Variants in FBLN5 observed in about 807,000 individuals in gnomAD.
FBLN5 encodes fibulin 5, also known as fibulin-5.
A neutral mutation model predicts 61.6 loss-of-function variants in FBLN5; 24 were observed. That is an observed-to-expected ratio of 0.39 (90% CI 0.28 to 0.55). The LOEUF (loss-of-function observed/expected upper bound fraction) is 0.55, where lower values mean the gene tolerates loss of function less well. FBLN5 is among the 20% of genes least tolerant of loss of function. FBLN5 has a pLI of 0.65. For synonymous variants in FBLN5, 213 were observed against 219.8 expected, an observed-to-expected ratio of 0.97 and a Z score of 0.27; for missense variants, 470 against 594.1, an observed-to-expected ratio of 0.79 and a Z score of 2.17.
chr14:91,882,956 T>C lies in FBLN5; in HGVS notation c.860A>G (p.Gln287Arg), dbSNP rs1374632618. ...YILLDDNRSC[Q>R]DINECEHRNH... ...CAGGCCCCTCCGGACAGCCTTACCT[T>C]GGCAGCTTCGGTTGTCATCCAGCAG... The change falls in exon 8 of 11, where the codon CAA (glutamine) becomes CGA (arginine). Residue 287 changes from glutamine (Q) to arginine (R), a missense_variant and splice_region_variant. By Grantham distance (43) the Gln-to-Arg change is conservative (BLOSUM62 1). Coordinates refer to ENST00000342058, the MANE Select transcript of FBLN5 (RefSeq NM_006329.4). This position sits in a 1 kb window ranked among gnomAD's most constrained non-coding sequence, Gnocchi z 4.9. 1 of 1,613,862 alleles carries C rather than the reference T, an allele frequency of 6.2e-7. No homozygotes were observed. The highest frequency in any genetic ancestry group is 8.5e-7 in the Non-Finnish European group (1 of 1,179,818).
At chr14:91,942,380 G>A (rs2056119648) in intron 2 of FBLN5, among the ~76,000 whole-genome samples, 1 of 152,226 alleles carries the variant, frequency 6.6e-6, no homozygotes, top group Admixed American at 6.5e-5. Context: ...CCTCCAGGAG[G>A]GGTGTGTCTG....
chr14:91,924,628 G>C (rs1056572394), intron 4 of FBLN5, among the ~76,000 whole-genome samples: 1 of 151,832 alleles, frequency 6.6e-6, no homozygotes, highest in Non-Finnish European at 1.5e-5. Flanking sequence ...GTTGCAGTGA[G>C]CCAAGATAGC....
intron 4 of FBLN5, among the ~76,000 whole-genome samples, chr14:91,909,531 C>T (rs1890832663): frequency 6.6e-6 from 1 of 152,128 alleles, no homozygotes; most frequent in South Asian, 2.1e-4. Context: ...TCGATTACAG[C>T]TGGAGCTTTT....
At chr14:91,919,605 TAAAATG>T (rs1175878455) in intron 4 of FBLN5, among the ~76,000 whole-genome samples, 2 of 152,162 alleles carry the variant, frequency 1.3e-5, no homozygotes, top group Non-Finnish European at 2.9e-5. Flanking sequence ...GTAATTCAGT[TAAAATG>T]AGCCCGTTAT....
chr14:91,905,665 C>G (rs1311929765), intron 4 of FBLN5, among the ~76,000 whole-genome samples: 3 of 149,992 alleles, frequency 2.0e-5, no homozygotes, highest in Middle Eastern at 3.5e-3. Context: ...CTGCAACCTC[C>G]ACCTCCTGGG....
intron 10 of FBLN5, among the ~76,000 whole-genome samples, chr14:91,875,573 T>C (rs927877859): frequency 5.9e-5 from 9 of 152,168 alleles, no homozygotes; most frequent in African/African-American, 1.9e-4. Context: ...AGCAACAGCT[T>C]TGGGGGCTCT....
At chr14:91,938,063 AT>A (rs1162854860) in intron 3 of FBLN5, among the ~76,000 whole-genome samples, 1 of 152,244 alleles carries the variant, frequency 6.6e-6, no homozygotes, top group Non-Finnish European at 1.5e-5. Flanking sequence ...TCGTGTGCAC[AT>A]ACTATACTCT....
chr14:91,884,980 T>C (rs556135860), intron 7 of FBLN5, among the ~76,000 whole-genome samples: 1 of 152,278 alleles, frequency 6.6e-6, no homozygotes, highest in African/African-American at 2.4e-5. Context: ...CCCACCATGG[T>C]TTCCAGGAAC....
At chr14:91,932,750 C>G (rs926250403) in intron 4 of FBLN5, among the ~76,000 whole-genome samples, 6 of 152,206 alleles carry the variant, frequency 3.9e-5, no homozygotes, top group African/African-American at 1.4e-4. Flanking sequence ...GGCAAGAGTG[C>G]AATCAGCCAC....
chr14:91,885,691 T>A (rs751592153), intron 7 of FBLN5, among the ~76,000 whole-genome samples: 1 of 152,118 alleles, frequency 6.6e-6, no homozygotes, highest in Non-Finnish European at 1.5e-5. Context: ...AAATAGTAAA[T>A]GGCAGAGCTA....
intron 3 of FBLN5, among the ~76,000 whole-genome samples, chr14:91,937,683 C>G (rs968970177): frequency 6.6e-6 from 1 of 152,140 alleles, no homozygotes; most frequent in Non-Finnish European, 1.5e-5. Flanking sequence ...TGATGCCTTG[C>G]GTACTTCGGA....
intron 5 of FBLN5, among the ~76,000 whole-genome samples, chr14:91,894,428 C>CAAAAAA (rs1491576623): frequency 1.5e-4 from 11 of 72,600 alleles, no homozygotes; most frequent in Admixed American, 1.3e-3. Context: ...AAAAAAAAAA[C>CAAAAAA]CGAAAAAAAC....
intron 4 of FBLN5, among the ~76,000 whole-genome samples, chr14:91,915,926 T>C (rs970884628): frequency 3.9e-5 from 6 of 151,932 alleles, no homozygotes; most frequent in Non-Finnish European, 8.8e-5. Context: ...CCAAAACTAG[T>C]AAGAGTAATA....
chr14:91,894,416 A>AAC lies in FBLN5; in HGVS notation c.502+533_502+534insGT, dbSNP rs1890126326. Among the ~76,000 whole-genome samples, 3 of 143,716 alleles carry AAC rather than the reference A, an allele frequency of 2.1e-5. 1 individual carries two copies. The highest frequency in any genetic ancestry group is 4.6e-5 in the Non-Finnish European group (3 of 65,684). 94.3% of individuals were successfully genotyped at this position (143,716 alleles called of 152,430 possible). On this transcript the variant is annotated intron_variant, in intron 5 of 10. Coordinates refer to ENST00000342058, the MANE Select transcript of FBLN5 (RefSeq NM_006329.4). ...AGACACCATATCAAAAAAAAAAAAAAAAAAAAAAAAACCGAAAAAAACCAT... is the reference window on the plus strand; with the variant it reads ...AGACACCATATCAAAAAAAAAAAAAAACAAAAAAAAAAACCGAAAAAAACCAT...
At chr14:91,902,447 G>A (rs1019240750) in intron 4 of FBLN5, among the ~76,000 whole-genome samples, 2 of 152,124 alleles carry the variant, frequency 1.3e-5, no homozygotes, top group African/African-American at 4.8e-5. Context: ...TCCAAACCTG[G>A]TTACCCAAGA....
At chr14:91,899,433 C>A (rs988787514) in intron 4 of FBLN5, among the ~76,000 whole-genome samples, 3 of 152,238 alleles carry the variant, frequency 2.0e-5, no homozygotes, top group Non-Finnish European at 4.4e-5. Context: ...CTCCCAGAAC[C>A]TGGAAAAGCC....
rs530593820 is a variant in FBLN5 at position 91,900,809 on chromosome 14, C to T, written c.380-5737G>A. The stretch of plus-strand genomic sequence containing the variant: ...CTGCCTGGCACATAGCTCCCTTCCC[C>T]GGGGAGGTGCTGTTTCTGACAGCTG... On this transcript the variant is annotated intron_variant, in intron 4 of 10. Coordinates refer to ENST00000342058, the MANE Select transcript of FBLN5 (RefSeq NM_006329.4). Among the ~76,000 whole-genome samples, 9 of 152,304 alleles carry T rather than the reference C, an allele frequency of 5.9e-5. No homozygotes were observed. In the East Asian group the frequency reaches 1.2e-3, roughly 20 times the overall value.
At chr14:91,870,646 G>A (rs553072811) in intron 10 of FBLN5, among the ~76,000 whole-genome samples, 3 of 152,302 alleles carry the variant, frequency 2.0e-5, no homozygotes, top group East Asian at 1.9e-4. Context: ...GACCTCTGAC[G>A]CTGCAGCCTT....
At chr14:91,906,199 T>C (rs1197567005) in intron 4 of FBLN5, among the ~76,000 whole-genome samples, 1 of 152,200 alleles carries the variant, frequency 6.6e-6, no homozygotes, top group Non-Finnish European at 1.5e-5. Flanking sequence ...ATGAACTTTT[T>C]GGTTACAGAC....
Sources: allele counts gnomAD v4.1 joint callset (sites outside exome capture counted in the v4.1 genomes callset), GRCh38; gene constraint gnomAD v4.1.1; non-coding constraint Gnocchi (gnomAD v3.1); transcripts MANE v1.5; gene names NCBI Gene and HGNC (gene_info 2026-07-23, HGNC 2026-07-21).